Variants in FHIT observed in about 807,000 individuals in gnomAD.
FHIT encodes the protein bis(5'-adenosyl)-triphosphatase.
FHIT carries 19 observed loss-of-function variants against 17.9 expected under a neutral mutation model. That is an observed-to-expected ratio of 1.06 (90% CI 0.74 to 1.56). The LOEUF is 1.56. Ranked by LOEUF, FHIT falls within the 40% of genes most tolerant of loss-of-function variation. The pLI, the probability that FHIT is intolerant of heterozygous loss-of-function variation, is 0.00. For synonymous variants in FHIT, 81 were observed against 69.7 expected, an observed-to-expected ratio of 1.16 and a Z score of -0.81; for missense variants, 248 against 189.2, an observed-to-expected ratio of 1.31 and a Z score of -1.82.
intron 7 of FHIT, among the ~76,000 whole-genome samples, chr3:60,003,008 T>C (rs1170500657): frequency 6.6e-6 from 1 of 152,198 alleles, no homozygotes; most frequent in Non-Finnish European, 1.5e-5. Flanking sequence ...ACTAGCTATA[T>C]GCTAAAGATA....
At chr3:59,820,602 T>C (rs1700753653) in intron 8 of FHIT, among the ~76,000 whole-genome samples, 1 of 152,226 alleles carries the variant, frequency 6.6e-6, no homozygotes, top group African/African-American at 2.4e-5. Context: ...TGTTTATATA[T>C]TGTCTTTGGC....
chr3:59,935,115 C>A (rs190916563), intron 7 of FHIT, among the ~76,000 whole-genome samples: 94 of 152,230 alleles, frequency 6.2e-4, no homozygotes, highest in African/African-American at 2.2e-3. Flanking sequence ...TTCAGTTAGA[C>A]ATGCAGGAGC....
chr3:60,430,253 G>C lies in FHIT; in HGVS notation c.103+106607C>G, dbSNP rs966059951. ...CCAGTTTACTCAAGTGTCTAAAAGT[G>C]ATTTTTTCACTAAGTACCTCTTACT... On this transcript the variant is annotated intron_variant, in intron 5 of 9. Coordinates refer to ENST00000492590, the MANE Select transcript of FHIT (RefSeq NM_002012.4). Among the ~76,000 whole-genome samples, 57 of 152,106 alleles carry C rather than the reference G, an allele frequency of 3.7e-4. 1 individual carries two copies. The highest frequency in any genetic ancestry group is 1.4e-3 in the African/African-American group (57 of 41,506).
chr3:60,437,705 T>C (rs12632178), intron 5 of FHIT, among the ~76,000 whole-genome samples: 10,568 of 152,176 alleles, frequency 0.069, 838 homozygotes, highest in East Asian at 0.38. Flanking sequence ...TATGAGGGTA[T>C]GTAGTTCTAA....
At chr3:59,782,936 G>A (rs950502393) in intron 8 of FHIT, among the ~76,000 whole-genome samples, 1 of 152,084 alleles carries the variant, frequency 6.6e-6, no homozygotes, top group African/African-American at 2.4e-5. Flanking sequence ...ACTTGCTGTG[G>A]TACCATGGTG....
intron 5 of FHIT, among the ~76,000 whole-genome samples, chr3:60,487,126 G>C (rs1188907301): frequency 1.3e-5 from 2 of 152,154 alleles, no homozygotes; most frequent in African/African-American, 4.8e-5. Flanking sequence ...TCTGCAGAAA[G>C]GTTTGGTGAC....
intron 5 of FHIT, among the ~76,000 whole-genome samples, chr3:60,354,194 ATTATT>A (rs202032876): frequency 0.018 from 2,682 of 152,294 alleles, 70 homozygotes; most frequent in African/African-American, 0.061. Context: ...TTAAAATACA[ATTATT>A]TTATTTTTAA....
At chr3:60,926,692 A>T (rs1553770041) in intron 3 of FHIT, among the ~76,000 whole-genome samples, 1 of 152,228 alleles carries the variant, frequency 6.6e-6, no homozygotes, top group African/African-American at 2.4e-5. Context: ...GAAGGCAAGC[A>T]ATAACTAACA....
At chr3:60,814,740 G>A (rs1221103974) in intron 4 of FHIT, among the ~76,000 whole-genome samples, 1 of 152,092 alleles carries the variant, frequency 6.6e-6, no homozygotes, top group Non-Finnish European at 1.5e-5. Flanking sequence ...GGAATTGCTG[G>A]ATCGAATGGT....
chr3:61,035,993 T>C (rs113366853), intron 3 of FHIT, among the ~76,000 whole-genome samples: 31 of 152,220 alleles, frequency 2.0e-4, no homozygotes, highest in African/African-American at 7.5e-4. Context: ...GTATCTAAGT[T>C]TCCCAACTCG....
chr3:60,552,993 T>C (rs1054615668), intron 4 of FHIT, among the ~76,000 whole-genome samples: 3 of 152,120 alleles, frequency 2.0e-5, no homozygotes, highest in Non-Finnish European at 2.9e-5. Context: ...AGAAGGTATG[T>C]AGAGTGAGTC....
chr3:60,445,327 C>T (rs411734), intron 5 of FHIT, among the ~76,000 whole-genome samples: 76,738 of 151,864 alleles, frequency 0.51, 21,708 homozygotes, highest in Non-Finnish European at 0.63. Flanking sequence ...TCAGGGTAAC[C>T]TGTATCACAG....
chr3:60,451,309 C>G (rs411122), intron 5 of FHIT, among the ~76,000 whole-genome samples: 1 of 151,944 alleles, frequency 6.6e-6, no homozygotes, highest in African/African-American at 2.4e-5. Context: ...ATAAGGCCCA[C>G]CTCCAGCCTT....
intron 1 of FHIT, among the ~76,000 whole-genome samples, chr3:61,217,382 T>C (rs1240263042): frequency 6.6e-6 from 1 of 152,176 alleles, no homozygotes; most frequent in Non-Finnish European, 1.5e-5. Context: ...TATCTGCCAG[T>C]TGTTGCTCAG....
intron 4 of FHIT, among the ~76,000 whole-genome samples, chr3:60,600,374 A>G (rs1559571006): frequency 6.6e-6 from 1 of 152,224 alleles, no homozygotes; most frequent in East Asian, 1.9e-4. Flanking sequence ...TAAGAAAAAA[A>G]TAGTGCATCT....
chr3:59,890,963 A>C (rs1446602012), intron 8 of FHIT, among the ~76,000 whole-genome samples: 2 of 152,196 alleles, frequency 1.3e-5, no homozygotes, highest in African/African-American at 4.8e-5. Context: ...AGATGGCCCT[A>C]AGTTAATCAG....
intron 4 of FHIT, among the ~76,000 whole-genome samples, chr3:60,774,159 T>C (rs1700139263): frequency 6.6e-6 from 1 of 152,194 alleles, no homozygotes. Flanking sequence ...ACTTGAGAAC[T>C]GGACAGAGTA....
At chr3:60,427,939 C>T (rs1307551489) in intron 5 of FHIT, among the ~76,000 whole-genome samples, 2 of 152,148 alleles carry the variant, frequency 1.3e-5, no homozygotes, top group Non-Finnish European at 2.9e-5. Flanking sequence ...GTAAACATCA[C>T]TAGGACATTC....
chr3:60,499,736 T>C (rs1192301619), intron 5 of FHIT, among the ~76,000 whole-genome samples: 1 of 152,058 alleles, frequency 6.6e-6, no homozygotes, highest in African/African-American at 2.4e-5. Flanking sequence ...CCCTGAGCCT[T>C]TGTTCTTGTT....
Sources: allele counts gnomAD v4.1 joint callset (sites outside exome capture counted in the v4.1 genomes callset), GRCh38; gene constraint gnomAD v4.1.1; transcripts MANE v1.5; gene names NCBI Gene and HGNC (gene_info 2026-07-23, HGNC 2026-07-21).